FHIP1B: variants seen among roughly 807,000 people sequenced by gnomAD.
FHIP1B encodes the protein FHF complex subunit HOOK interacting protein 1B.
FHIP1B carries 28 observed loss-of-function variants against 82.2 expected under a neutral mutation model. The observed-to-expected ratio is 0.34, with a 90% CI of 0.25 to 0.47. The LOEUF (loss-of-function observed/expected upper bound fraction) is 0.47, where lower values mean the gene tolerates loss of function less well. Among genes scored for constraint, FHIP1B ranks in the 20% least tolerant of loss-of-function variants. FHIP1B has a pLI of 1.00. For synonymous variants in FHIP1B, 585 were observed against 516.1 expected (o/e 1.13, Z -1.81); for missense variants, 1,110 against 1,262.6 (o/e 0.88, Z 1.83).
At position 6,224,649 on chromosome 11, in the gene FHIP1B, G is replaced by A; in HGVS notation, c.-133C>T. 2 of 914,592 alleles carry A rather than the reference G, an allele frequency of 2.2e-6. No individual in the cohort carries two copies. The highest frequency in any genetic ancestry group is 1.7e-5 in the African/African-American group (1 of 59,614). 56.7% of individuals were successfully genotyped at this position (914,592 alleles called of 1,614,324 possible). ...GCCAGTAGCTGCCCATGGAGCCAGA[G>A]GTTATACCAGGCTGGAATGGCAAGC... On this transcript the variant is annotated 5_prime_UTR_variant, in exon 2 of 12. Coordinates refer to ENST00000449352, the MANE Select transcript of FHIP1B (RefSeq NM_001098794.2).
Position 6,218,639 on chromosome 11 carries a change from G to C in FHIP1B, c.1396C>G (p.Pro466Ala). ...GCATGCTCTGGACGAGGTGGGCTGG[G>C]GGCGTGGTGCCGACAACAGCGTGGG... Reference protein sequence around the residue: ...LIPRCCRHHAPSPPRPEHASW... With the variant: ...LIPRCCRHHAASPPRPEHASW... Residue 466 changes from proline (P) to alanine (A), a missense_variant, in exon 8 of 12, where the codon CCC (proline) becomes GCC (alanine). Physicochemically the swap from Pro to Ala is conservative, Grantham distance 27. Transcript: ENST00000449352. The C allele has an allele frequency of 2.2e-5, 36 of 1,614,200 alleles. No homozygotes were observed. Among genetic ancestry groups the C allele is most frequent in the Non-Finnish European group, 3.1e-5 (36 of 1,180,032 alleles).
At chr11:6,214,999 AC>A in intron 9 of FHIP1B, 88 bp from the exon 10 acceptor site, 1 of 1,271,762 alleles carries the variant, frequency 7.9e-7, no homozygotes, top group Non-Finnish European at 1.0e-6. Flanking sequence ...AGAGACCCCC[AC>A]CAGATGAAAA....
chr11:6,219,976 A>G (rs1847360380), intron 6 of FHIP1B, among the ~76,000 whole-genome samples: 1 of 152,230 alleles, frequency 6.6e-6, no homozygotes, highest in Non-Finnish European at 1.5e-5. Flanking sequence ...CTAAATGACC[A>G]CTTTAGCTAG....
chr11:6,219,600 A>T (rs1485344222), intron 6 of FHIP1B, among the ~76,000 whole-genome samples: 1 of 152,244 alleles, frequency 6.6e-6, no homozygotes, highest in African/African-American at 2.4e-5. Flanking sequence ...GATAAAGAAC[A>T]ACTCAAGCGC....
intron 6 of FHIP1B, among the ~76,000 whole-genome samples, chr11:6,221,793 A>G (rs771863636): frequency 1.3e-5 from 2 of 152,128 alleles, no homozygotes; most frequent in African/African-American, 2.4e-5. Context: ...TAGTTTTTTC[A>G]TAACCCTGAC....
Position 6,217,693 on chromosome 11 carries a change from G to A in FHIP1B, c.1893C>T (p.Pro631=), listed in dbSNP as rs1847276601. 2.5e-6 allele frequency: 4 copies of A among 1,613,176 alleles called. No individual in the cohort carries two copies. Among genetic ancestry groups the A allele is most frequent in the Non-Finnish European group, 3.4e-6 (4 of 1,179,736 alleles). ...GGAGEGPGHL[P]PPQLNGVPGS... Reference sequence around the variant, plus strand: ...CTGGCACTCCATTGAGCTGGGGAGGGGGCAGGTGACCAGGGCCCTCCCCTG... The same window carrying A: ...CTGGCACTCCATTGAGCTGGGGAGGAGGCAGGTGACCAGGGCCCTCCCCTG... Residue 631 remains proline (P), a synonymous_variant, in exon 9 of 12, where the codon CCC becomes CCT. Transcript: ENST00000449352.
chr11:6,224,937 G>A (rs1847522062), intron 1 of FHIP1B, among the ~76,000 whole-genome samples: 1 of 152,164 alleles, frequency 6.6e-6, no homozygotes, highest in Admixed American at 6.5e-5. Context: ...AAATGCTCAA[G>A]CTGAAAATGT....
rs1002521939 is a variant in FHIP1B at position 6,233,672 on chromosome 11, G to C, written c.-192+872C>G. 2.0e-5 allele frequency among the ~76,000 whole-genome samples: 3 copies of C among 152,028 alleles called. No individual in the cohort carries two copies. In the East Asian group the frequency reaches 5.8e-4, roughly 29 times the overall value. The stretch of plus-strand genomic sequence containing the variant: ...GGATCCTAAATATAGTACTGTATAG[G>C]GCAAACCATATGACCTCCATAAAAG... On this transcript the variant is annotated intron_variant, in intron 1 of 11. Transcript: ENST00000449352.
chr11:6,222,670 T>C, intron 5 of FHIP1B, 61 bp from the exon 6 acceptor site: 1 of 1,586,770 alleles, frequency 6.3e-7, no homozygotes, highest in Non-Finnish European at 8.6e-7. Context: ...CAGGGCCATT[T>C]TCCCTGGATT....
intron 11 of FHIP1B, among the ~76,000 whole-genome samples, 175 bp downstream of exon 11, chr11:6,214,235 TA>T (rs925746231): frequency 6.6e-6 from 1 of 152,188 alleles, no homozygotes; most frequent in African/African-American, 2.4e-5. Flanking sequence ...TGGCTCTTAA[TA>T]GATAGAACTA....
At chr11:6,227,748 TA>T (rs1452451189) in intron 1 of FHIP1B, among the ~76,000 whole-genome samples, 1 of 151,900 alleles carries the variant, frequency 6.6e-6, no homozygotes, top group Non-Finnish European at 1.5e-5. Context: ...GAGGTAAGGG[TA>T]AAATCATGGG....
Position 6,223,565 on chromosome 11 carries a change from G to A in FHIP1B, c.777+45C>T. 1 of 1,533,882 alleles carries A rather than the reference G, an allele frequency of 6.5e-7. No homozygotes were observed. The highest frequency in any genetic ancestry group is 2.3e-5 in the East Asian group (1 of 44,282). On this transcript the variant is annotated intron_variant, in intron 3 of 11. Transcript: ENST00000449352. The surrounding 1 kb of genome is among the most constrained non-coding windows in gnomAD (Gnocchi z 4.8). The stretch of plus-strand genomic sequence containing the variant: ...CTCCTGGATAGGAAGGTGCTGTTCA[G>A]TATCTACACACCACACCCTACCCTC...
Position 6,224,508 on chromosome 11 carries a change from C to T in FHIP1B, c.9G>A (p.Arg3=), listed in dbSNP as rs750401496. 9.9e-6 allele frequency: 16 copies of T among 1,612,094 alleles called. No homozygotes were observed. The highest frequency in any genetic ancestry group is 1.3e-5 in the Non-Finnish European group (15 of 1,179,048). Residue 3 remains arginine, a synonymous_variant, in exon 2 of 12, where the codon AGG becomes AGA. Transcript: ENST00000449352. ME[R]MNWLSRLASR... ...AGGCCAGTCTGCTCAGCCAATTCATCCTCTCCATGAGGCAGGCTGGGCAGG... is the reference window on the plus strand; with the variant it reads ...AGGCCAGTCTGCTCAGCCAATTCATTCTCTCCATGAGGCAGGCTGGGCAGG...
chr11:6,216,893 A>G (rs1375068757), intron 9 of FHIP1B: 2 of 596,574 alleles, frequency 3.4e-6, no homozygotes, highest in Non-Finnish European at 5.9e-6. Context: ...AAATACCAGA[A>G]GGTTAACCTT....
rs753638695 is a variant in FHIP1B at position 6,224,406 on chromosome 11, G to A, written c.111C>T (p.Leu37=). ...GGGACCAGTGATTCTTGAAGACCATGAGGCAGGTCTCGGGATCAGCCATGA... is the reference window on the plus strand; with the variant it reads ...GGGACCAGTGATTCTTGAAGACCATAAGGCAGGTCTCGGGATCAGCCATGA... The part of the protein sequence containing the change: ...TPVMADPETC[L]MVFKNHWSQV... Residue 37 remains leucine (L), a synonymous_variant, in exon 2 of 12, where the codon CTC becomes CTT. Transcript: ENST00000449352. 3 of 1,614,218 alleles carry A rather than the reference G, an allele frequency of 1.9e-6. No individual in the cohort carries two copies. Among genetic ancestry groups the A allele is most frequent in the Non-Finnish European group, 1.7e-6 (2 of 1,180,048 alleles).
chr11:6,217,957 C>T lies in FHIP1B; in HGVS notation c.1629G>A (p.Glu543=), dbSNP rs1335955564. 3 of 1,613,174 alleles carry T rather than the reference C, an allele frequency of 1.9e-6. No individual in the cohort carries two copies. The highest frequency in any genetic ancestry group is 1.1e-5 in the South Asian group (1 of 91,088). ...GGTAATTGTCTTCCAGCTCTCCAGG[C>T]TCCTCTGCAGGGGTAGGCCGTCGGC... is the stretch of plus-strand genomic sequence containing the variant. ...SPGRRPTPAE[E]PGELEDNYLE... is the part of the protein sequence containing the mutation. Residue 543 remains glutamate (E), a synonymous_variant, in exon 9 of 12, where the codon GAG becomes GAA. Coordinates refer to ENST00000449352, the MANE Select transcript of FHIP1B (RefSeq NM_001098794.2).
intron 11 of FHIP1B, among the ~76,000 whole-genome samples, chr11:6,212,760 A>C (rs1263074000): frequency 6.6e-6 from 1 of 152,138 alleles, no homozygotes; most frequent in African/African-American, 2.4e-5. Context: ...AGCCCTTCAC[A>C]ATCAGGCTCA....
intron 9 of FHIP1B, chr11:6,217,109 G>C (rs1338937273): frequency 1.4e-6 from 1 of 703,080 alleles, no homozygotes; most frequent in Admixed American, 2.0e-5. Context: ...TAGGGAAAGA[G>C]GAGGAACATG....
intron 11 of FHIP1B, among the ~76,000 whole-genome samples, chr11:6,213,887 G>C (rs1308242400): frequency 6.6e-6 from 1 of 151,902 alleles, no homozygotes; most frequent in East Asian, 1.9e-4. Context: ...TCCAGATTTA[G>C]AACTTCCAGT....
Sources: allele counts gnomAD v4.1 joint callset (sites outside exome capture counted in the v4.1 genomes callset), GRCh38; gene constraint gnomAD v4.1.1; non-coding constraint Gnocchi (gnomAD v3.1); transcripts MANE v1.5; gene names NCBI Gene and HGNC (gene_info 2026-07-23, HGNC 2026-07-21).